METAP2: variants seen among roughly 807,000 people sequenced by gnomAD.
METAP2 encodes the protein methionyl aminopeptidase 2.
In METAP2, 25 loss-of-function variants were observed where a neutral mutation model predicts 59.4. The ratio of observed to expected loss-of-function variants is 0.42; its 90% confidence interval spans 0.31 to 0.59. The LOEUF (loss-of-function observed/expected upper bound fraction) is 0.59. METAP2 is among the 20% of genes least tolerant of loss of function. METAP2 has a pLI of 0.16. For missense variants in METAP2, 366 were observed against 581.2 expected (o/e 0.63, Z 3.81); for synonymous variants, 214 against 194.1 (o/e 1.10, Z -0.85).
Position 95,474,255 on chromosome 12 carries a change from G to A in METAP2, c.76G>A (p.Gly26Arg). Residue 26 changes from glycine (G) to arginine (R), a missense_variant, in exon 1 of 11, where the codon GGA (glycine) becomes AGA (arginine). Physicochemically the swap from Gly to Arg is moderately radical, Grantham distance 125 (BLOSUM62 -2). Coordinates refer to ENST00000323666, the MANE Select transcript of METAP2 (RefSeq NM_006838.4). The stretch of plus-strand genomic sequence containing the variant: ...CCTGGATCCAGACGACAGGGAAGAA[G>A]GAGCTGCCTCTACGGCTGAGGAAGC... ...GDLDPDDREE[G>R]AASTAEEAAK... The A allele has an allele frequency of 6.2e-7, 1 of 1,614,266 alleles. No homozygotes were observed. The highest frequency in any genetic ancestry group is 1.3e-5 in the African/African-American group (1 of 75,084).
At chr12:95,478,238 T>C (rs1179045378) in intron 2 of METAP2, among the ~76,000 whole-genome samples, 1 of 152,152 alleles carries the variant, frequency 6.6e-6, no homozygotes. Context: ...ATTTTAGGAA[T>C]ATTTGTAGTT....
intron 7 of METAP2, among the ~76,000 whole-genome samples, chr12:95,502,733 C>T (rs2076325786): frequency 1.3e-5 from 2 of 152,008 alleles, no homozygotes; most frequent in Non-Finnish European, 2.9e-5. Flanking sequence ...ATACAGGTCC[C>T]TGAGGTTCTG....
Position 95,496,196 on chromosome 12 carries a change from A to G in METAP2, c.867+98A>G. ...ATTTAAGCACTTTTAAGGCCTGTTT[A>G]AGGGCTTTGGGTAATTAAGAGGAAT... is the stretch of plus-strand genomic sequence containing the variant. On this transcript the variant is annotated intron_variant, in intron 7 of 10. Coordinates refer to ENST00000323666, the MANE Select transcript of METAP2 (RefSeq NM_006838.4). The G allele has an allele frequency of 1.0e-5, 7 of 689,174 alleles. No individual in the cohort carries two copies. In the South Asian group the frequency reaches 1.5e-4, roughly 15 times the overall value. 42.7% of individuals were successfully genotyped at this position (689,174 alleles called of 1,614,324 possible).
rs78385335 is a variant in METAP2, at chr12:95,486,327, G to A, written c.428+346G>A. Among the ~76,000 whole-genome samples, 823 of 152,030 alleles carry A rather than the reference G, an allele frequency of 5.4e-3. 5 individuals carry two copies. Among genetic ancestry groups the A allele is most frequent in the Non-Finnish European group, 9.2e-3 (628 of 67,976 alleles). On this transcript the variant is annotated intron_variant, in intron 4 of 10. Coordinates refer to ENST00000323666, the MANE Select transcript of METAP2 (RefSeq NM_006838.4). ...AATGCGTTATCTACAATTCCATTTGGGATTTCTGAGTGATATAAGGGTTGA... is the reference window on the plus strand; with the variant it reads ...AATGCGTTATCTACAATTCCATTTGAGATTTCTGAGTGATATAAGGGTTGA...
intron 8 of METAP2, among the ~76,000 whole-genome samples, chr12:95,507,800 G>T (rs2076372807): frequency 6.7e-6 from 1 of 149,094 alleles, no homozygotes; most frequent in Non-Finnish European, 1.5e-5. Flanking sequence ...TTTTGAGAGA[G>T]ACTTTTGCTC....
intron 2 of METAP2, among the ~76,000 whole-genome samples, chr12:95,479,621 T>C (rs1360458142): frequency 2.0e-5 from 3 of 152,034 alleles, no homozygotes; most frequent in African/African-American, 7.2e-5. Context: ...CTCTTTTTTT[T>C]TTTTTTTGAG....
In METAP2 at chr12:95,477,725, G is replaced by T. The variant is rs1037854912; in HGVS notation, c.259+1547G>T. ...GGGTTAGGTCTTTAACCATTAGTTGGGGCTGTAATTATTGTGTTAGGGTAA... is the reference window on the plus strand; with the variant it reads ...GGGTTAGGTCTTTAACCATTAGTTGTGGCTGTAATTATTGTGTTAGGGTAA... On this transcript the variant is annotated intron_variant, in intron 2 of 10. Transcript: ENST00000323666. Among the ~76,000 whole-genome samples the T allele has an allele frequency of 3.2e-4, 48 of 152,206 alleles. No individual in the cohort carries two copies. In the Middle Eastern group the frequency reaches 0.01, roughly 32 times the overall value.
chr12:95,499,340 T>G (rs1282324018), intron 7 of METAP2, among the ~76,000 whole-genome samples: 3 of 152,152 alleles, frequency 2.0e-5, no homozygotes, highest in Non-Finnish European at 4.4e-5. Flanking sequence ...CAAGTCTCAC[T>G]GTGTTGCTCA....
intron 4 of METAP2, among the ~76,000 whole-genome samples, chr12:95,491,796 G>C (rs1395752300): frequency 6.7e-6 from 1 of 150,196 alleles, no homozygotes; most frequent in African/African-American, 2.5e-5. Flanking sequence ...ACAGGTGTGA[G>C]CGACCATGCC....
At chr12:95,497,853 TGTG>T in intron 7 of METAP2, among the ~76,000 whole-genome samples, 1 of 151,860 alleles carries the variant, frequency 6.6e-6, no homozygotes, top group Middle Eastern at 3.2e-3. Context: ...GTAGGCCAGA[TGTG>T]GTGGCTCATG....
intron 1 of METAP2, 121 bp from the exon 2 acceptor site, chr12:95,475,950 A>G (rs1594407420): frequency 9.9e-6 from 6 of 604,742 alleles, no homozygotes; most frequent in Non-Finnish European, 1.4e-5. Flanking sequence ...TATGTTCACA[A>G]TAATGTTTCT....
intron 2 of METAP2, among the ~76,000 whole-genome samples, chr12:95,480,791 G>A (rs569945131): frequency 3.3e-5 from 5 of 152,004 alleles, no homozygotes; most frequent in African/African-American, 1.2e-4. Flanking sequence ...TATTTCTATG[G>A]GATGGCTATT....
intron 4 of METAP2, among the ~76,000 whole-genome samples, chr12:95,489,920 A>G (rs555125109): frequency 6.6e-6 from 1 of 152,334 alleles, no homozygotes; most frequent in South Asian, 2.1e-4. Flanking sequence ...AAGAATTCCC[A>G]CATACCTTTC....
At position 95,474,287 on chromosome 12, in the gene METAP2, G is replaced by A. The variant is rs201889892; in HGVS notation, c.108G>A (p.Lys36=). Residue 36 remains lysine (K), a synonymous_variant, in exon 1 of 11, where the codon AAG becomes AAA. Coordinates refer to ENST00000323666, the MANE Select transcript of METAP2 (RefSeq NM_006838.4). ...CCTCTACGGCTGAGGAAGCAGCCAA[G>A]AAAAAAAGACGAAAGAAGAAGAAGA... ...GAASTAEEAA[K]KKRRKKKKSK... The A allele has an allele frequency of 3.1e-6, 5 of 1,614,042 alleles. No individual in the cohort carries two copies. The highest frequency in any genetic ancestry group is 4.2e-6 in the Non-Finnish European group (5 of 1,179,992).
chr12:95,474,377 A>G (rs1381684157), intron 1 of METAP2, 47 bp downstream of exon 1: 2 of 1,601,220 alleles, frequency 1.2e-6, no homozygotes, highest in African/African-American at 1.3e-5. Context: ...GAACGGCTGA[A>G]CTGTTTGGCT....
chr12:95,496,251 A>G (rs1372046179), intron 7 of METAP2, among the ~76,000 whole-genome samples, 153 bp downstream of exon 7: 1 of 152,100 alleles, frequency 6.6e-6, no homozygotes, highest in Non-Finnish European at 1.5e-5. Context: ...TATGGTTTTA[A>G]GCGGGTAAGT....
rs1159482112 is a variant in METAP2 at position 95,512,791 on chromosome 12, T to C, written c.1069-10T>C. 1 of 1,499,326 alleles carries C rather than the reference T, an allele frequency of 6.7e-7. No individual in the cohort carries two copies. Among genetic ancestry groups the C allele is most frequent in the Admixed American group, 1.7e-5 (1 of 58,252 alleles). The allele number at this position is 1,499,326 out of a possible 1,614,324, so 92.9% of individuals were successfully genotyped here. ...TCTTTCTCTCCCCTTGACCCTTATT[T>C]ATTTTTCAGGAAGGAGAAGTATATG... On this transcript the variant is annotated splice_polypyrimidine_tract_variant and intron_variant, in intron 9 of 10. Transcript: ENST00000323666.
chr12:95,496,162 C>T, intron 7 of METAP2, 64 bp downstream of exon 7: 1 of 1,055,516 alleles, frequency 9.5e-7, no homozygotes, highest in Non-Finnish European at 1.4e-6. Context: ...CTTTTAAACA[C>T]TTAACAGCAT....
chr12:95,479,073 T>G (rs1203454295), intron 2 of METAP2, among the ~76,000 whole-genome samples: 2 of 152,128 alleles, frequency 1.3e-5, no homozygotes, highest in African/African-American at 4.8e-5. Context: ...TAAGACCCTG[T>G]CTCTTAACAA....
Sources: gnomAD v4.1 joint callset for allele counts (sites outside exome capture counted in the v4.1 genomes callset) on GRCh38, gnomAD v4.1.1 for gene constraint, MANE v1.5 for transcripts, NCBI Gene and HGNC (gene_info 2026-07-23, HGNC 2026-07-21) for gene names.